Variants in ADAMTSL1 observed in about 807,000 individuals in gnomAD.
ADAMTSL1 encodes the protein ADAMTS-like protein 1.
In ADAMTSL1, 126 loss-of-function variants were observed where a neutral mutation model predicts 201.8. That is an observed-to-expected ratio of 0.62 (90% confidence interval 0.54 to 0.72). The LOEUF is 0.72. Among genes scored for constraint, ADAMTSL1 ranks in the 30% least tolerant of loss-of-function variants. ADAMTSL1 has a pLI of 0.00. For missense variants in ADAMTSL1, 2,679 were observed against 2,277.8 expected (o/e 1.18, Z -3.59); for synonymous variants, 1,121 against 903.4 (o/e 1.24, Z -4.32).
At chr9:18,498,439 C>A (rs549647227) in intron 1 of ADAMTSL1, among the ~76,000 whole-genome samples, 3 of 150,980 alleles carry the variant, frequency 2.0e-5, no homozygotes, top group Non-Finnish European at 4.4e-5. Context: ...TGGGTTCAAG[C>A]GATTCTTGTG....
intron 9 of ADAMTSL1, among the ~76,000 whole-genome samples, chr9:18,674,043 A>G: frequency 6.8e-6 from 1 of 147,038 alleles, no homozygotes; most frequent in East Asian, 2.0e-4. Flanking sequence ...ATCTGTCAGA[A>G]GGTAGAAAAA....
intron 2 of ADAMTSL1, among the ~76,000 whole-genome samples, chr9:18,201,573 G>A (rs370051483): frequency 2.6e-5 from 4 of 151,928 alleles, no homozygotes; most frequent in African/African-American, 9.7e-5. Context: ...AGGAGCAATG[G>A]GTTAAAAAAC....
intron 2 of ADAMTSL1, among the ~76,000 whole-genome samples, chr9:18,241,376 C>G (rs1200784939): frequency 6.6e-6 from 1 of 152,116 alleles, no homozygotes; most frequent in Non-Finnish European, 1.5e-5. Flanking sequence ...ATTTCACCTA[C>G]CTGTATTCTT....
intron 2 of ADAMTSL1, among the ~76,000 whole-genome samples, chr9:18,394,432 T>A (rs1334308303): frequency 6.6e-6 from 1 of 152,170 alleles, no homozygotes; most frequent in African/African-American, 2.4e-5. Flanking sequence ...TTCCTGACAT[T>A]GTAAATGTAA....
intron 2 of ADAMTSL1, among the ~76,000 whole-genome samples, chr9:18,507,512 C>A (rs1218293498): frequency 6.6e-6 from 1 of 152,114 alleles, no homozygotes; most frequent in African/African-American, 2.4e-5. Flanking sequence ...TTAGTTGGTG[C>A]AAAAGTAATT....
In ADAMTSL1 at chr9:18,910,905, CTGTATT is replaced by C. The variant is rs1830564959; in HGVS notation, c.*2365_*2370del. 6.6e-6 allele frequency: 1 copy of C among 152,182 alleles called. No homozygotes were observed. Among genetic ancestry groups the C allele is most frequent in the Non-Finnish European group, 1.5e-5 (1 of 68,026 alleles). The allele number at this position is 152,182 out of a possible 1,614,324, so 9.4% of individuals were successfully genotyped here. ...GCACTTTCTCCTCTAAAACACAAAACTGTATTTGTATTTTTTGTACAGATAATACAG... is the reference window on the plus strand; with the variant it reads ...GCACTTTCTCCTCTAAAACACAAAACTGTATTTTTTGTACAGATAATACAG... On this transcript the variant is annotated 3_prime_UTR_variant, in exon 29 of 29. Coordinates refer to ENST00000380548, the MANE Select transcript of ADAMTSL1 (RefSeq NM_001040272.6).
At chr9:18,094,461 A>G (rs1824156108) in intron 1 of ADAMTSL1, among the ~76,000 whole-genome samples, 1 of 151,988 alleles carries the variant, frequency 6.6e-6, no homozygotes, top group Non-Finnish European at 1.5e-5. Flanking sequence ...TCACTAATGC[A>G]TTTTAGGTCT....
At chr9:18,170,114 C>T (rs893342314) in intron 2 of ADAMTSL1, among the ~76,000 whole-genome samples, 1 of 151,942 alleles carries the variant, frequency 6.6e-6, no homozygotes, top group African/African-American at 2.4e-5. Flanking sequence ...TATTATTTGC[C>T]TGTATTTTAC....
intron 1 of ADAMTSL1, among the ~76,000 whole-genome samples, chr9:18,493,256 A>G (rs937056135): frequency 6.6e-6 from 1 of 152,222 alleles, no homozygotes; most frequent in African/African-American, 2.4e-5. Context: ...ATTTTTCCTG[A>G]TTAATTCTGC....
At chr9:18,537,573 A>G (rs1314235409) in intron 3 of ADAMTSL1, among the ~76,000 whole-genome samples, 1 of 152,170 alleles carries the variant, frequency 6.6e-6, no homozygotes, top group Admixed American at 6.5e-5. Context: ...TAAGTACAAA[A>G]ATTAGCTGCT....
chr9:18,466,862 T>A (rs942896063), intron 2 of ADAMTSL1, among the ~76,000 whole-genome samples: 1 of 152,174 alleles, frequency 6.6e-6, no homozygotes, highest in Non-Finnish European at 1.5e-5. Flanking sequence ...TGTTGTATTT[T>A]AGGGGAAGAA....
At chr9:18,046,169 T>C (rs78522676) in intron 1 of ADAMTSL1, among the ~76,000 whole-genome samples, 3,476 of 152,212 alleles carry the variant, frequency 0.023, 50 homozygotes, top group Middle Eastern at 0.041. Context: ...TAAAGGAAAT[T>C]ATGAGTAAAA....
chr9:17,982,831 C>G (rs1818764084), intron 1 of ADAMTSL1, among the ~76,000 whole-genome samples: 1 of 151,910 alleles, frequency 6.6e-6, no homozygotes, highest in Non-Finnish European at 1.5e-5. Context: ...TAAGCAGTCT[C>G]AGCTTATTAT....
intron 2 of ADAMTSL1, among the ~76,000 whole-genome samples, chr9:18,265,132 G>T (rs2493745): frequency 6.6e-6 from 1 of 152,082 alleles, no homozygotes; most frequent in East Asian, 1.9e-4. Flanking sequence ...TTAAATTCTA[G>T]AGCTCAAAGA....
At chr9:18,715,387 G>T (rs1832861384) in intron 14 of ADAMTSL1, among the ~76,000 whole-genome samples, 1 of 152,092 alleles carries the variant, frequency 6.6e-6, no homozygotes, top group Non-Finnish European at 1.5e-5. Context: ...AACTTCAGCA[G>T]TCTCAGGATA....
intron 7 of ADAMTSL1, among the ~76,000 whole-genome samples, chr9:18,644,123 T>G (rs556579057): frequency 6.6e-6 from 1 of 151,928 alleles, no homozygotes; most frequent in East Asian, 1.9e-4. Flanking sequence ...ATTGGGGGTT[T>G]TTGGTAGGTA....
At chr9:18,150,147 G>T (rs1163045944) in intron 1 of ADAMTSL1, among the ~76,000 whole-genome samples, 1 of 152,050 alleles carries the variant, frequency 6.6e-6, no homozygotes, top group African/African-American at 2.4e-5. Context: ...TTTGAAAGTT[G>T]TCATTGTATC....
chr9:18,724,771 G>T lies in ADAMTSL1; in HGVS notation c.2006+3106G>T, dbSNP rs183770353. Among the ~76,000 whole-genome samples the T allele has an allele frequency of 2.8e-3, 431 of 152,252 alleles. 3 individuals carry two copies. Among genetic ancestry groups the T allele is most frequent in the Middle Eastern group, 6.8e-3 (2 of 294 alleles). On this transcript the variant is annotated intron_variant, in intron 15 of 28. Transcript: ENST00000380548. ...TGTTTGGACCATATTATCAATGACA[G>T]CTGGGAAGACCTCAGTGCTTTCCCT...
intron 10 of ADAMTSL1, among the ~76,000 whole-genome samples, 153 bp from the exon 11 acceptor site, chr9:18,680,159 G>T (rs1339368131): frequency 6.6e-6 from 1 of 152,176 alleles, no homozygotes; most frequent in African/African-American, 2.4e-5. Flanking sequence ...TTACTCATCA[G>T]GTTTCAGGCA....
Sources: gnomAD v4.1 joint callset for allele counts (sites outside exome capture counted in the v4.1 genomes callset) on GRCh38, gnomAD v4.1.1 for gene constraint, MANE v1.5 for transcripts, NCBI Gene and HGNC (gene_info 2026-07-23, HGNC 2026-07-21) for gene names.